Variants in COX7B2 observed in about 807,000 individuals in gnomAD.
COX7B2 encodes cytochrome c oxidase subunit 7B2.
For synonymous variants in COX7B2, 37 were observed against 32.1 expected (o/e 1.15, Z -0.51); for missense variants, 109 against 95.9 (o/e 1.14, Z -0.57).
chr4:46,879,856 TA>T (rs1290611465), intron 1 of COX7B2, among the ~76,000 whole-genome samples: 1 of 152,102 alleles, frequency 6.6e-6, no homozygotes, highest in Non-Finnish European at 1.5e-5. Context: ...TAACACAAAA[TA>T]AATGCTGTGG....
intron 1 of COX7B2, among the ~76,000 whole-genome samples, chr4:46,886,598 G>A (rs761884082): frequency 7.9e-5 from 12 of 152,128 alleles, no homozygotes; most frequent in Admixed American, 5.9e-4. Context: ...GCTCAGAAAT[G>A]TAATTTGTTC....
chr4:46,779,045 TTAAC>T (rs2109543975), intron 2 of COX7B2, among the ~76,000 whole-genome samples: 1 of 152,268 alleles, frequency 6.6e-6, no homozygotes, highest in South Asian at 2.1e-4. Context: ...GAGTGTGGCT[TTAAC>T]TAAGAAGTCC....
intron 2 of COX7B2, among the ~76,000 whole-genome samples, chr4:46,737,591 C>T (rs1454104833): frequency 1.3e-5 from 2 of 152,066 alleles, no homozygotes; most frequent in Admixed American, 6.6e-5. Flanking sequence ...AGCCAAAATA[C>T]AATGAAATTA....
intron 1 of COX7B2, among the ~76,000 whole-genome samples, chr4:46,860,748 G>A (rs1488232913): frequency 1.3e-5 from 2 of 152,014 alleles, no homozygotes; most frequent in African/African-American, 2.4e-5. Flanking sequence ...TGCAATGTAC[G>A]TTTCATTTAC....
intron 1 of COX7B2, among the ~76,000 whole-genome samples, chr4:46,896,682 A>G (rs1322965191): frequency 6.6e-6 from 1 of 152,160 alleles, no homozygotes. Context: ...AATCCTTAAT[A>G]GAAGTAAACC....
chr4:46,825,187 A>G (rs1055239230), intron 2 of COX7B2, among the ~76,000 whole-genome samples: 1 of 152,182 alleles, frequency 6.6e-6, no homozygotes, highest in African/African-American at 2.4e-5. Context: ...GCAAAGTTGC[A>G]GAATACAAAA....
At chr4:46,897,899 C>T (rs982288112) in intron 1 of COX7B2, among the ~76,000 whole-genome samples, 1 of 152,198 alleles carries the variant, frequency 6.6e-6, no homozygotes, top group Non-Finnish European at 1.5e-5. Flanking sequence ...TTGTTAACCA[C>T]ATTAACTTGA....
intron 1 of COX7B2, among the ~76,000 whole-genome samples, chr4:46,896,088 T>C (rs1719738537): frequency 6.6e-6 from 1 of 152,168 alleles, no homozygotes; most frequent in South Asian, 2.1e-4. Context: ...TACTTTACAA[T>C]TTTGCCTAGA....
At chr4:46,843,192 G>T (rs1716054255) in intron 2 of COX7B2, among the ~76,000 whole-genome samples, 1 of 151,958 alleles carries the variant, frequency 6.6e-6, no homozygotes, top group African/African-American at 2.4e-5. Context: ...ACCTGAATTA[G>T]AATCTTGGCT....
chr4:46,760,080 A>G (rs937505398), intron 2 of COX7B2, among the ~76,000 whole-genome samples: 3 of 152,214 alleles, frequency 2.0e-5, no homozygotes, highest in Admixed American at 1.3e-4. Context: ...TGACTGACAA[A>G]TAAAAGCAAT....
intron 2 of COX7B2, among the ~76,000 whole-genome samples, chr4:46,804,704 T>A (rs1577725022): frequency 6.6e-6 from 1 of 152,324 alleles, no homozygotes; most frequent in African/African-American, 2.4e-5. Flanking sequence ...GTATTTACAA[T>A]CCCTTAGCTA....
chr4:46,835,512 A>G (rs942589264), intron 2 of COX7B2, among the ~76,000 whole-genome samples: 1 of 152,102 alleles, frequency 6.6e-6, no homozygotes, highest in African/African-American at 2.4e-5. Flanking sequence ...TGACGGCTAC[A>G]TTTTGGGACA....
intron 1 of COX7B2, among the ~76,000 whole-genome samples, chr4:46,888,966 A>T (rs1719255490): frequency 6.6e-6 from 1 of 152,206 alleles, no homozygotes; most frequent in Non-Finnish European, 1.5e-5. Flanking sequence ...ATTTTAAAGT[A>T]ACTAAGAGTG....
rs1560360060 is a variant in COX7B2 at position 46,759,877 on chromosome 4, A to ATATCTTATATAAGTTATATAAGTCT, written c.-49-24661_-49-24637dup. On this transcript the variant is annotated intron_variant, in intron 2 of 2. Transcript: ENST00000355591. ...ATATCTTATATAAGTTATATAAGTC[A>ATATCTTATATAAGTTATATAAGTCT]TATCTTATATAAGTTATATAAGTCT... Among the ~76,000 whole-genome samples the ATATCTTATATAAGTTATATAAGTCT allele has an allele frequency of 7.1e-4, 65 of 91,516 alleles. 2 individuals are homozygous for ATATCTTATATAAGTTATATAAGTCT. The highest frequency in any genetic ancestry group is 0.011 in the Middle Eastern group (2 of 178). 60.0% of individuals were successfully genotyped at this position (91,516 alleles called of 152,430 possible).
At chr4:46,855,354 G>GA (rs1273732695) in intron 1 of COX7B2, among the ~76,000 whole-genome samples, 4 of 151,892 alleles carry the variant, frequency 2.6e-5, no homozygotes, top group South Asian at 2.1e-4. Flanking sequence ...ATTAAAAAAG[G>GA]AAAAAATCAA....
intron 2 of COX7B2, among the ~76,000 whole-genome samples, chr4:46,806,277 G>A (rs1292978679): frequency 6.6e-6 from 1 of 151,144 alleles, no homozygotes; most frequent in Non-Finnish European, 1.5e-5. Flanking sequence ...AAAGTAAAAT[G>A]ACAATAGGCA....
In COX7B2 at chr4:46,820,229, C is replaced by G. The variant is rs1180714665; in HGVS notation, c.-50+24731G>C. On this transcript the variant is annotated intron_variant, in intron 2 of 2. Coordinates refer to ENST00000355591, the MANE Select transcript of COX7B2 (RefSeq NM_130902.3). ...GGTCCCATCTGGGGGAGATCGGAAA[C>G]AGTGACCTATTATCAGGCATTAGAT... 3.3e-5 allele frequency among the ~76,000 whole-genome samples: 5 copies of G among 152,100 alleles called. No homozygotes were observed. In the East Asian group the frequency reaches 9.7e-4, roughly 29 times the overall value.
intron 2 of COX7B2, among the ~76,000 whole-genome samples, chr4:46,837,495 T>C (rs1262982271): frequency 6.6e-6 from 1 of 152,000 alleles, no homozygotes. Flanking sequence ...GCACATTACA[T>C]TGCCAGAATC....
At chr4:46,744,390 A>G (rs555407188) in intron 2 of COX7B2, among the ~76,000 whole-genome samples, 2 of 151,948 alleles carry the variant, frequency 1.3e-5, no homozygotes, top group African/African-American at 4.8e-5. Context: ...TTTGAGATTG[A>G]TCTCCCTCCC....
Sources: allele counts gnomAD v4.1 joint callset (sites outside exome capture counted in the v4.1 genomes callset), GRCh38; gene constraint gnomAD v4.1.1; transcripts MANE v1.5; gene names NCBI Gene and HGNC (gene_info 2026-07-23, HGNC 2026-07-21).